Variants in SPHKAP observed in about 807,000 individuals in gnomAD.
SPHKAP encodes the protein SPHK1 interactor, AKAP domain containing.
Under a neutral mutation model 137.5 loss-of-function variants are expected in SPHKAP, and 67 were observed. The observed-to-expected ratio is 0.49, with a 90% CI of 0.40 to 0.60. The LOEUF (loss-of-function observed/expected upper bound fraction) is 0.60, where lower values mean the gene tolerates loss of function less well. Ranked by LOEUF, SPHKAP falls within the 20% of genes least tolerant of loss-of-function variation. SPHKAP has a pLI of 0.00. For synonymous variants in SPHKAP, 813 were observed against 785.3 expected (o/e 1.04, Z -0.59); for missense variants, 2,097 against 2,069.3 (o/e 1.01, Z -0.26).
At chr2:228,093,991 TA>T (rs1421468133) in intron 3 of SPHKAP, among the ~76,000 whole-genome samples, 1 of 150,154 alleles carries the variant, frequency 6.7e-6, no homozygotes, top group East Asian at 2.0e-4. Flanking sequence ...TTTGAGGTAA[TA>T]AAAATGTTCT....
At chr2:228,037,139 C>G (rs1280775439) in intron 3 of SPHKAP, among the ~76,000 whole-genome samples, 1 of 152,116 alleles carries the variant, frequency 6.6e-6, no homozygotes, top group African/African-American at 2.4e-5. Context: ...CATACTCACT[C>G]TTTTTAGTAC....
At chr2:228,035,552 A>G (rs1428986526) in intron 3 of SPHKAP, among the ~76,000 whole-genome samples, 1 of 152,192 alleles carries the variant, frequency 6.6e-6, no homozygotes, top group African/African-American at 2.4e-5. Context: ...ATATGGAACA[A>G]AAAAAGAGCC....
intron 1 of SPHKAP, among the ~76,000 whole-genome samples, chr2:228,167,981 A>G: frequency 6.6e-6 from 1 of 152,164 alleles, no homozygotes; most frequent in Non-Finnish European, 1.5e-5. Context: ...ACACTGATAT[A>G]TATGCACACA....
chr2:228,089,643 A>C (rs1253447906), intron 3 of SPHKAP, among the ~76,000 whole-genome samples: 1 of 152,180 alleles, frequency 6.6e-6, no homozygotes, highest in Non-Finnish European at 1.5e-5. Context: ...GAGGCCTAGG[A>C]GGAAAGAAAG....
intron 7 of SPHKAP, among the ~76,000 whole-genome samples, chr2:228,007,182 T>G (rs1480307110): frequency 2.0e-5 from 3 of 152,206 alleles, no homozygotes; most frequent in Non-Finnish European, 4.4e-5. Context: ...TCAAGTTTTG[T>G]ACTATCCTTA....
rs541056814 is a variant in SPHKAP, at chr2:228,145,263, A to T, written c.33-13178T>A. 6.6e-5 allele frequency among the ~76,000 whole-genome samples: 10 copies of T among 152,346 alleles called. No individual in the cohort carries two copies. The South Asian group carries it at 1.9e-3, about 28-fold the overall frequency. ...ATCTCCTAATGTGTAAGAATGGCCAATACTACTGGTTTCATTTTTCTTTAA... is the reference window on the plus strand; with the variant it reads ...ATCTCCTAATGTGTAAGAATGGCCATTACTACTGGTTTCATTTTTCTTTAA... On this transcript the variant is annotated intron_variant, in intron 1 of 11. Transcript: ENST00000392056.
rs771765184 is a variant in SPHKAP at position 228,019,529 on chromosome 2, C to T, written c.1325G>A (p.Arg442Gln). ...CYSTKDTVVS[R>Q]SWNELPKIVV... ...GATTTTGGGGAGCTCATTCCATGAC[C>T]GAGAAACCACTGTATCTTTTGTGGA... is the stretch of plus-strand genomic sequence containing the variant. Residue 442 changes from arginine (R) to glutamine (Q), a missense_variant, in exon 7 of 12, where the codon CGG becomes CAG. Physicochemically the swap from Arg to Gln is conservative, Grantham distance 43. Coordinates refer to ENST00000392056, the MANE Select transcript of SPHKAP (RefSeq NM_001142644.2). 1.2e-5 allele frequency: 19 copies of T among 1,614,006 alleles called. 1 individual carries two copies. Among genetic ancestry groups the T allele is most frequent in the East Asian group, 6.7e-5 (3 of 44,886 alleles).
At position 228,076,952 on chromosome 2, in the gene SPHKAP, C is replaced by T. The variant is rs745845437; in HGVS notation, c.246+31880G>A. 8.5e-5 allele frequency among the ~76,000 whole-genome samples: 13 copies of T among 152,150 alleles called. 1 individual carries two copies. The highest frequency in any genetic ancestry group is 1.6e-4 in the Non-Finnish European group (11 of 68,014). ...TGGTTTTGTGGGACTGGCCCAGGGT[C>T]TCCCTGCTATGTGCAGCCTAGAGTC... is the stretch of plus-strand genomic sequence containing the variant. On this transcript the variant is annotated intron_variant, in intron 3 of 11. Transcript: ENST00000392056.
intron 1 of SPHKAP, among the ~76,000 whole-genome samples, chr2:228,156,225 G>A (rs973738201): frequency 6.6e-6 from 1 of 152,154 alleles, no homozygotes; most frequent in African/African-American, 2.4e-5. Context: ...ATAGCCACAG[G>A]AACTGAGAGG....
intron 3 of SPHKAP, among the ~76,000 whole-genome samples, chr2:228,035,941 C>G (rs1345500931): frequency 2.0e-5 from 3 of 151,032 alleles, no homozygotes; most frequent in East Asian, 3.9e-4. Flanking sequence ...AGAAGAAAAC[C>G]TAGGCAATAC....
chr2:228,017,477 G>A lies in SPHKAP; in HGVS notation c.3377C>T (p.Thr1126Ile). 1 of 1,613,750 alleles carries A rather than the reference G, an allele frequency of 6.2e-7. No individual in the cohort carries two copies. Among genetic ancestry groups the A allele is most frequent in the Non-Finnish European group, 8.5e-7 (1 of 1,179,996 alleles). Residue 1126 changes from threonine to isoleucine, a missense_variant, in exon 7 of 12, where the codon ACC (threonine) becomes ATC (isoleucine). Physicochemically the swap from Thr to Ile is moderately conservative, Grantham distance 89. Coordinates refer to ENST00000392056, the MANE Select transcript of SPHKAP (RefSeq NM_001142644.2). ...VSKQSSCESI[T>I]DEFSRFMVNQ... ...CACCATGAACCTGGAAAACTCATCG[G>A]TGATGCTCTCACAGCTCGACTGCTT... is the stretch of plus-strand genomic sequence containing the variant.
chr2:228,144,148 C>T (rs1428398957), intron 1 of SPHKAP, among the ~76,000 whole-genome samples: 1 of 152,188 alleles, frequency 6.6e-6, no homozygotes, highest in Non-Finnish European at 1.5e-5. Flanking sequence ...TCTGACTCCC[C>T]TAACTAGAAT....
intron 1 of SPHKAP, among the ~76,000 whole-genome samples, chr2:228,147,391 A>G (rs926493129): frequency 2.0e-5 from 3 of 152,254 alleles, no homozygotes; most frequent in South Asian, 2.1e-4. Context: ...TACAAGATGC[A>G]TATAGTTTAC....
At chr2:228,053,418 A>C (rs55768744) in intron 3 of SPHKAP, among the ~76,000 whole-genome samples, 44,126 of 152,100 alleles carry the variant, frequency 0.29, 6,774 homozygotes, top group South Asian at 0.42. Context: ...TTCCTGCAAC[A>C]AATCTGTTTG....
chr2:228,085,297 C>T (rs750807204), intron 3 of SPHKAP, among the ~76,000 whole-genome samples: 18 of 152,134 alleles, frequency 1.2e-4, no homozygotes, highest in South Asian at 2.1e-4. Flanking sequence ...CATGACTTAT[C>T]GTTATTAGAC....
At chr2:228,163,761 T>C (rs925716415) in intron 1 of SPHKAP, among the ~76,000 whole-genome samples, 1 of 152,218 alleles carries the variant, frequency 6.6e-6, no homozygotes, top group Non-Finnish European at 1.5e-5. Flanking sequence ...GGGTGACTGT[T>C]TCCAGATGTC....
At chr2:228,033,012 A>G (rs1695407641) in intron 3 of SPHKAP, among the ~76,000 whole-genome samples, 1 of 152,236 alleles carries the variant, frequency 6.6e-6, no homozygotes, top group Non-Finnish European at 1.5e-5. Context: ...TGACAGGACC[A>G]TATACACACA....
chr2:227,994,126 A>C, intron 8 of SPHKAP: 14 of 967,790 alleles, frequency 1.4e-5, no homozygotes, highest in South Asian at 9.5e-5. Context: ...ATAGGATTTC[A>C]TAGGCTGAGC....
At chr2:227,994,531 A>G (rs1446578037) in intron 8 of SPHKAP, among the ~76,000 whole-genome samples, 1 of 151,058 alleles carries the variant, frequency 6.6e-6, no homozygotes, top group African/African-American at 2.4e-5. Flanking sequence ...TTTCTCCTGG[A>G]TATACCAAGA....
Sources: allele counts gnomAD v4.1 joint callset (sites outside exome capture counted in the v4.1 genomes callset), GRCh38; gene constraint gnomAD v4.1.1; transcripts MANE v1.5; gene names NCBI Gene and HGNC (gene_info 2026-07-23, HGNC 2026-07-21).